Variants in MPHOSPH6 observed in about 807,000 individuals in gnomAD.
MPHOSPH6 encodes M-phase phosphoprotein 6.
A neutral mutation model predicts 21.8 loss-of-function variants in MPHOSPH6; 25 were observed. The ratio of observed to expected loss-of-function variants is 1.15; its 90% CI spans 0.83 to 1.60. MPHOSPH6 has a LOEUF of 1.60. MPHOSPH6 is among the 40% of genes most tolerant of loss of function. The probability of loss-of-function intolerance (pLI) is 0.00; values close to 1 mark genes in which losing one functional copy is unlikely to be tolerated. For synonymous variants in MPHOSPH6, 84 were observed against 56.5 expected, an observed-to-expected ratio of 1.49 and a Z score of -2.18; for missense variants, 269 against 181.8, an observed-to-expected ratio of 1.48 and a Z score of -2.76.
chr16:82,158,532 A>T (rs1416068491), intron 2 of MPHOSPH6, among the ~76,000 whole-genome samples: 1 of 150,288 alleles, frequency 6.7e-6, no homozygotes, highest in Non-Finnish European at 1.5e-5. Context: ...AAGATACTTC[A>T]TCATAGTCAA....
At chr16:82,167,349 T>C (rs1022743665) in intron 1 of MPHOSPH6, among the ~76,000 whole-genome samples, 3 of 152,164 alleles carry the variant, frequency 2.0e-5, no homozygotes, top group African/African-American at 7.2e-5. Flanking sequence ...TCAACCCTCT[T>C]ATACTTGCCT....
chr16:82,167,750 C>G (rs1400114462), intron 1 of MPHOSPH6, among the ~76,000 whole-genome samples: 2 of 152,152 alleles, frequency 1.3e-5, no homozygotes, highest in South Asian at 2.1e-4. Context: ...AGGCGGAGCT[C>G]AGGTGGTAAT....
chr16:82,163,953 C>G, intron 2 of MPHOSPH6, 129 bp downstream of exon 2: 1 of 606,246 alleles, frequency 1.6e-6, no homozygotes, highest in East Asian at 2.9e-5. Context: ...TTTAGTTGTG[C>G]TACTAAATCA....
intron 2 of MPHOSPH6, among the ~76,000 whole-genome samples, chr16:82,156,909 C>T (rs994857867): frequency 6.6e-6 from 1 of 151,896 alleles, no homozygotes; most frequent in East Asian, 1.9e-4. Context: ...TAAAATTAGC[C>T]GGGCATGGTG....
intron 4 of MPHOSPH6, 115 bp downstream of exon 4, chr16:82,149,194 T>G: frequency 9.1e-7 from 1 of 1,095,580 alleles, no homozygotes; most frequent in Non-Finnish European, 1.4e-6. Flanking sequence ...ACAGTCATCG[T>G]CCTACTGGGG....
chr16:82,163,809 A>G (rs575576362), intron 2 of MPHOSPH6: 2 of 307,306 alleles, frequency 6.5e-6, no homozygotes, highest in South Asian at 6.0e-5. Context: ...AGCTTCCCCA[A>G]AGGTCTGCTG....
At chr16:82,153,109 A>G (rs996768550) in intron 2 of MPHOSPH6, among the ~76,000 whole-genome samples, 1 of 152,108 alleles carries the variant, frequency 6.6e-6, no homozygotes, top group South Asian at 2.1e-4. Flanking sequence ...CCTGGGTGAC[A>G]GTGTCAAACA....
intron 1 of MPHOSPH6, among the ~76,000 whole-genome samples, chr16:82,165,110 ATTTCTTT>A (rs1906724147): frequency 1.3e-5 from 1 of 79,948 alleles, no homozygotes. Context: ...CAGGTCCGAT[ATTTCTTT>A]TTTATTTTTT....
At chr16:82,149,849 G>A (rs2142403382) in intron 3 of MPHOSPH6, among the ~76,000 whole-genome samples, 1 of 151,970 alleles carries the variant, frequency 6.6e-6, no homozygotes, top group East Asian at 1.9e-4. Context: ...TGGAGGAGGT[G>A]GGAGAAGTGG....
intron 2 of MPHOSPH6, among the ~76,000 whole-genome samples, chr16:82,155,374 T>C (rs1056536886): frequency 1.3e-5 from 2 of 152,192 alleles, no homozygotes; most frequent in Non-Finnish European, 2.9e-5. Flanking sequence ...AACTGTCTTT[T>C]TTTGCAGATG....
intron 1 of MPHOSPH6, among the ~76,000 whole-genome samples, chr16:82,165,426 G>T (rs1049754626): frequency 6.6e-5 from 10 of 151,828 alleles, no homozygotes; most frequent in Admixed American, 2.6e-4. Context: ...GCCCGGCCCA[G>T]GTCCCATATT....
chr16:82,155,120 T>C (rs2142408071), intron 2 of MPHOSPH6, among the ~76,000 whole-genome samples: 3 of 152,338 alleles, frequency 2.0e-5, no homozygotes, highest in Middle Eastern at 6.8e-3. Flanking sequence ...TCATAAGAAA[T>C]TATTTGACAA....
intron 1 of MPHOSPH6, among the ~76,000 whole-genome samples, chr16:82,168,738 C>T (rs923952199): frequency 1.1e-4 from 17 of 152,220 alleles, no homozygotes; most frequent in South Asian, 2.1e-4. Flanking sequence ...TCTCAAAGTG[C>T]TGGGACTACA....
intron 1 of MPHOSPH6, among the ~76,000 whole-genome samples, chr16:82,169,079 T>C (rs1906885889): frequency 6.6e-6 from 1 of 152,264 alleles, no homozygotes. Context: ...CATAGGTTAA[T>C]ATACGCAAAC....
chr16:82,148,761 T>G lies in MPHOSPH6; in HGVS notation c.453A>C (p.Ala151=). The change falls in exon 5 of 5, where the codon GCA becomes GCC. Residue 151 remains alanine, a synonymous_variant. Transcript: ENST00000258169. The stretch of plus-strand genomic sequence containing the variant: ...CCTGGGGCTTTAAGAACATCTTCTT[T>G]GCTTTAATTGGTGTTATGTCTCCAT... ...DENGDITPIK[A]KKMFLKPQD 6.2e-7 allele frequency: 1 copy of G among 1,614,184 alleles called. No homozygotes were observed. Among genetic ancestry groups the G allele is most frequent in the South Asian group, 1.1e-5 (1 of 91,080 alleles).
At chr16:82,156,198 G>A (rs2967332) in intron 2 of MPHOSPH6, among the ~76,000 whole-genome samples, 96,060 of 151,426 alleles carry the variant, frequency 0.63, 30,661 homozygotes, top group Admixed American at 0.67. Context: ...ATATATATAT[G>A]TGGCAAAGAA....
Position 82,151,443 on chromosome 16 carries a change from C to A in MPHOSPH6, c.236G>T (p.Gly79Val), listed in dbSNP as rs1906261022. ...TAATACCTCAACCTCAGGATTAAATCCTCTGAATGACATTCTTCCATAGAG... is the reference window on the plus strand; with the variant it reads ...TAATACCTCAACCTCAGGATTAAATACTCTGAATGACATTCTTCCATAGAG... ...DLLYGRMSFR[G>V]FNPEVEKLML... The change falls in exon 3 of 5, where the codon GGA becomes GTA. Residue 79 changes from glycine to valine, a missense_variant. Gly to Val is a moderately radical substitution (Grantham distance 109). Coordinates refer to ENST00000258169, the MANE Select transcript of MPHOSPH6 (RefSeq NM_005792.2). 6.2e-7 allele frequency: 1 copy of A among 1,606,220 alleles called. No individual in the cohort carries two copies. Among genetic ancestry groups the A allele is most frequent in the Non-Finnish European group, 8.5e-7 (1 of 1,176,980 alleles).
chr16:82,153,283 T>C (rs761202099), intron 2 of MPHOSPH6, among the ~76,000 whole-genome samples: 9 of 152,178 alleles, frequency 5.9e-5, no homozygotes, highest in African/African-American at 2.2e-4. Flanking sequence ...GAGTAATTGG[T>C]ATGGAACTAG....
chr16:82,168,070 T>G (rs1597166645), intron 1 of MPHOSPH6, among the ~76,000 whole-genome samples: 1 of 152,334 alleles, frequency 6.6e-6, no homozygotes, highest in Admixed American at 6.5e-5. Flanking sequence ...GGGTGATCTT[T>G]TTCCTTCTCC....
Sources: allele counts gnomAD v4.1 joint callset (sites outside exome capture counted in the v4.1 genomes callset), GRCh38; gene constraint gnomAD v4.1.1; transcripts MANE v1.5; gene names NCBI Gene and HGNC (gene_info 2026-07-23, HGNC 2026-07-21).